The following ADGRV1 variants were observed in gnomAD, a reference collection of about 807,000 sequenced individuals.
ADGRV1 encodes the protein G-protein coupled receptor 98.
Under a neutral mutation model 596.2 loss-of-function variants are expected in ADGRV1, and 359 were observed. The ratio of observed to expected loss-of-function variants is 0.60; its 90% CI spans 0.55 to 0.66. The LOEUF is 0.66. Ranked by LOEUF, ADGRV1 falls within the 30% of genes least tolerant of loss-of-function variation. The pLI, the probability that ADGRV1 is intolerant of heterozygous loss-of-function variation, is 0.00. For missense variants in ADGRV1, 7,274 were observed against 7,575.6 expected, an observed-to-expected ratio of 0.96 and a Z score of 1.48; for synonymous variants, 2,681 against 2,679.2, an observed-to-expected ratio of 1.00 and a Z score of -0.02.
At chr5:90,993,672 G>T (rs948978577) in intron 85 of ADGRV1, among the ~76,000 whole-genome samples, 1 of 151,970 alleles carries the variant, frequency 6.6e-6, no homozygotes, top group African/African-American at 2.4e-5. Flanking sequence ...TAACTTGCTG[G>T]TTTCAAGTAT....
At position 90,693,891 on chromosome 5, in the gene ADGRV1, G is replaced by C. The variant is rs549050123; in HGVS notation, c.7135G>C (p.Gly2379Arg). Residue 2379 changes from glycine to arginine, a missense_variant and splice_region_variant, in exon 33 of 90, where the codon GGA becomes CGA. Physicochemically the swap from Gly to Arg is moderately radical, Grantham distance 125. Coordinates refer to ENST00000405460, the MANE Select transcript of ADGRV1 (RefSeq NM_032119.4). ...SCANITVRRS[G>R]GHFGRLLLFY... Reference sequence around the variant, plus strand: ...TTTAATTGTCACTCCACATTTTAGCGGAGGGCACTTTGGTCGGCTGTTGTT... The same window carrying C: ...TTTAATTGTCACTCCACATTTTAGCCGAGGGCACTTTGGTCGGCTGTTGTT... 23 of 1,540,360 alleles carry C rather than the reference G, an allele frequency of 1.5e-5. No individual in the cohort carries two copies. In the African/African-American group the frequency reaches 3.0e-4, roughly 20 times the overall value.
chr5:90,570,889 CAA>C (rs1486672013), intron 1 of ADGRV1, among the ~76,000 whole-genome samples: 1 of 151,914 alleles, frequency 6.6e-6, no homozygotes, highest in Non-Finnish European at 1.5e-5. Context: ...ACAGTTGATA[CAA>C]AGTCTTTGTC....
intron 50 of ADGRV1, among the ~76,000 whole-genome samples, chr5:90,732,151 C>A (rs557423402): frequency 6.6e-6 from 1 of 152,216 alleles, no homozygotes; most frequent in Middle Eastern, 3.4e-3. Flanking sequence ...CAGGCATGCT[C>A]CATCATGCCC....
intron 50 of ADGRV1, among the ~76,000 whole-genome samples, chr5:90,744,401 T>G (rs559714841): frequency 6.6e-6 from 1 of 152,272 alleles, no homozygotes; most frequent in South Asian, 2.1e-4. Context: ...CTTGAAGAAT[T>G]TATCAAGTGA....
At chr5:90,706,529 C>CT in intron 38 of ADGRV1, 135 bp downstream of exon 38, 3 of 716,756 alleles carry the variant, frequency 4.2e-6, no homozygotes, top group Non-Finnish European at 6.5e-6. Context: ...TGTTGGTGTG[C>CT]TGCACCCATT....
chr5:90,633,534 T>C (rs1357037875), intron 9 of ADGRV1, among the ~76,000 whole-genome samples: 1 of 152,084 alleles, frequency 6.6e-6, no homozygotes, highest in African/African-American at 2.4e-5. Flanking sequence ...CTTTGCCTTA[T>C]AACAATGCAC....
Position 90,811,159 on chromosome 5 carries a change from C to G in ADGRV1, c.15899C>G (p.Thr5300Ser), listed in dbSNP as rs754346307. ...GAAGACTTTGAAGAACAAACTCTTA[C>G]CCTTATATTCCTAGATGGAGAAAGA... ...EEEDFEEQTL[T>S]LIFLDGERER... Residue 5300 changes from threonine (T) to serine (S), a missense_variant, in exon 74 of 90, where the codon ACC (threonine) becomes AGC (serine). Physicochemically the swap from Thr to Ser is moderately conservative, Grantham distance 58. Coordinates refer to ENST00000405460, the MANE Select transcript of ADGRV1 (RefSeq NM_032119.4). The G allele has an allele frequency of 2.6e-5, 42 of 1,613,650 alleles. No homozygotes were observed. The highest frequency in any genetic ancestry group is 5.0e-5 in the Admixed American group (3 of 59,982).
intron 83 of ADGRV1, among the ~76,000 whole-genome samples, chr5:90,909,261 C>G (rs929326495): frequency 8.5e-5 from 13 of 152,148 alleles, no homozygotes; most frequent in African/African-American, 3.1e-4. Context: ...TTCACCAACC[C>G]CTGTGCTACT....
chr5:90,923,926 C>T (rs1774145777), intron 83 of ADGRV1, among the ~76,000 whole-genome samples: 1 of 151,904 alleles, frequency 6.6e-6, no homozygotes, highest in Admixed American at 6.5e-5. Context: ...TGATGATTTC[C>T]AATTTCATCC....
At chr5:90,934,169 C>A (rs1194089320) in intron 83 of ADGRV1, among the ~76,000 whole-genome samples, 5 of 152,180 alleles carry the variant, frequency 3.3e-5, no homozygotes, top group Non-Finnish European at 7.3e-5. Flanking sequence ...TCATCTCTCC[C>A]CTTCCGACCC....
rs1223641073 is a variant in ADGRV1, at chr5:90,720,029, C to T, written c.9448-19C>T. 6.2e-7 allele frequency: 1 copy of T among 1,602,678 alleles called. No homozygotes were observed. Among genetic ancestry groups the T allele is most frequent in the Non-Finnish European group, 8.5e-7 (1 of 1,170,076 alleles). On this transcript the variant is annotated intron_variant, in intron 43 of 89. Coordinates refer to ENST00000405460, the MANE Select transcript of ADGRV1 (RefSeq NM_032119.4). ...AAATACTGTATTCTAGTAACCTTAT[C>T]TTTTGATTTTGTTTTCAGGCCCTAC...
chr5:90,729,054 T>C (rs1052856289), intron 49 of ADGRV1, 121 bp downstream of exon 49: 3 of 688,244 alleles, frequency 4.4e-6, no homozygotes, highest in Non-Finnish European at 6.9e-6. Flanking sequence ...GAATATTTCT[T>C]GATAGATAAG....
chr5:90,745,861 C>G, intron 52 of ADGRV1, 66 bp downstream of exon 52: 1 of 903,044 alleles, frequency 1.1e-6, no homozygotes. Flanking sequence ...TGTGTATTAG[C>G]TATTATTAGC....
chr5:90,772,797 A>C (rs1757830323), intron 59 of ADGRV1, among the ~76,000 whole-genome samples: 1 of 152,224 alleles, frequency 6.6e-6, no homozygotes, highest in Non-Finnish European at 1.5e-5. Context: ...TATTATTTGT[A>C]ATAGTAAATA....
chr5:90,576,161 T>C (rs1434821111), intron 1 of ADGRV1, among the ~76,000 whole-genome samples: 1 of 152,126 alleles, frequency 6.6e-6, no homozygotes, highest in Non-Finnish European at 1.5e-5. Flanking sequence ...ATGTGCACAA[T>C]GTGCAGGTTT....
At chr5:90,606,858 AT>A (rs1762167646) in intron 1 of ADGRV1, among the ~76,000 whole-genome samples, 1 of 151,850 alleles carries the variant, frequency 6.6e-6, no homozygotes, top group Admixed American at 6.6e-5. Context: ...CTGATCCTAT[AT>A]TTTCTTCTTT....
At chr5:90,883,685 C>T (rs886608438) in intron 83 of ADGRV1, among the ~76,000 whole-genome samples, 3 of 152,162 alleles carry the variant, frequency 2.0e-5, no homozygotes, top group African/African-American at 7.2e-5. Flanking sequence ...TTCTCACACC[C>T]CCATTTCCTA....
chr5:90,674,096 A>C lies in ADGRV1; in HGVS notation c.4972A>C (p.Asn1658His). 6.2e-7 allele frequency: 1 copy of C among 1,613,178 alleles called. No individual in the cohort carries two copies. Among genetic ancestry groups the C allele is most frequent in the Non-Finnish European group, 8.5e-7 (1 of 1,179,290 alleles). The stretch of plus-strand genomic sequence containing the variant: ...TCTTGATGATGATATTCCTGAACTT[A>C]ATGAGTATTTCCGTGTGACATTGGT... ...YVLDDDIPELNEYFRVTLVSA... is the reference protein window; with the variant it reads ...YVLDDDIPELHEYFRVTLVSA... Residue 1658 changes from asparagine (N) to histidine (H), a missense_variant, in exon 23 of 90, where the codon AAT becomes CAT. This residue lies in a region of ADGRV1 where 3,643 missense variants were observed against 3,809.2 expected (regional missense o/e 0.96). Transcript: ENST00000405460.
chr5:90,925,076 G>C (rs28861793), intron 83 of ADGRV1, among the ~76,000 whole-genome samples: 8,918 of 152,008 alleles, frequency 0.059, 409 homozygotes, highest in East Asian at 0.22. Context: ...GATGCCTCCA[G>C]CTTTTTCTTT....
Sources: gnomAD v4.1 joint callset for allele counts (sites outside exome capture counted in the v4.1 genomes callset) on GRCh38, gnomAD v4.1.1 for gene constraint, gnomAD v4.1.1 regional missense constraint, MANE v1.5 for transcripts, NCBI Gene and HGNC (gene_info 2026-07-23, HGNC 2026-07-21) for gene names.